The following NCALD variants were observed in gnomAD, a reference collection of about 807,000 sequenced individuals.
NCALD encodes neurocalcin delta, also known as neurocalcin-delta.
In NCALD, 10 loss-of-function variants were observed where a neutral mutation model predicts 18.6. That is an observed-to-expected ratio of 0.54 (90% CI 0.33 to 0.91). The LOEUF (loss-of-function observed/expected upper bound fraction) is 0.91, where lower values mean the gene tolerates loss of function less well. NCALD is among the 40% of genes least tolerant of loss of function. NCALD has a pLI of 0.03. For missense variants in NCALD, 184 were observed against 247.6 expected, an observed-to-expected ratio of 0.74 and a Z score of 1.72; for synonymous variants, 88 against 87.4, an observed-to-expected ratio of 1.01 and a Z score of -0.04.
At chr8:102,064,329 G>A (rs942012685) in intron 1 of NCALD, among the ~76,000 whole-genome samples, 1 of 152,154 alleles carries the variant, frequency 6.6e-6, no homozygotes, top group Non-Finnish European at 1.5e-5. Flanking sequence ...GGGCTCAGGG[G>A]AAGGGCCACT....
chr8:101,945,829 T>C (rs1195974308), intron 2 of NCALD, among the ~76,000 whole-genome samples: 3 of 152,212 alleles, frequency 2.0e-5, no homozygotes, highest in Non-Finnish European at 4.4e-5. Context: ...TTTTAGTGTT[T>C]GAAGAGTTGG....
intron 1 of NCALD, among the ~76,000 whole-genome samples, chr8:101,748,564 G>GT (rs1243862860): frequency 2.0e-5 from 3 of 152,138 alleles, no homozygotes; most frequent in African/African-American, 7.2e-5. Flanking sequence ...GGCCACTGTG[G>GT]TTTTTTGTGA....
intron 1 of NCALD, among the ~76,000 whole-genome samples, chr8:101,774,286 G>A (rs779135652): frequency 3.9e-5 from 6 of 152,192 alleles, no homozygotes; most frequent in Non-Finnish European, 8.8e-5. Flanking sequence ...TTGGCCAACT[G>A]TTTTCCTTGA....
chr8:102,065,261 T>TA (rs1823972485), intron 1 of NCALD, among the ~76,000 whole-genome samples: 1 of 151,834 alleles, frequency 6.6e-6, no homozygotes, highest in Non-Finnish European at 1.5e-5. Flanking sequence ...AGGCTCTTTT[T>TA]TTTTTCATAT....
At chr8:101,721,076 T>A (rs1816332007) in intron 1 of NCALD, 1 of 152,194 alleles carries the variant, frequency 6.6e-6, no homozygotes, top group Admixed American at 6.5e-5. Flanking sequence ...GATTAGTTCC[T>A]AATTCCCAAG....
chr8:101,711,260 GA>G (rs199904525), intron 2 of NCALD, among the ~76,000 whole-genome samples: 1,668 of 152,184 alleles, frequency 0.011, 32 homozygotes, highest in African/African-American at 0.037. Flanking sequence ...AACTCCAGCC[GA>G]AGGTCACCAA....
chr8:102,053,454 G>A (rs1823521137), intron 1 of NCALD, among the ~76,000 whole-genome samples: 5 of 152,066 alleles, frequency 3.3e-5, no homozygotes, highest in South Asian at 4.2e-4. Flanking sequence ...GCTTGACCAC[G>A]TACCATACAT....
intron 1 of NCALD, among the ~76,000 whole-genome samples, chr8:102,117,320 GC>G (rs1456525441): frequency 6.6e-6 from 1 of 152,180 alleles, no homozygotes; most frequent in Non-Finnish European, 1.5e-5. Context: ...TTCACAGTAG[GC>G]CTAGTTCTGG....
At chr8:101,746,566 C>T (rs371565207) in intron 1 of NCALD, among the ~76,000 whole-genome samples, 15 of 152,180 alleles carry the variant, frequency 9.9e-5, no homozygotes, top group East Asian at 7.7e-4. Context: ...GATTCAGATT[C>T]CTGTGTTGAG....
At chr8:101,874,071 A>G (rs577741319) in intron 4 of NCALD, among the ~76,000 whole-genome samples, 13 of 152,330 alleles carry the variant, frequency 8.5e-5, no homozygotes, top group African/African-American at 3.1e-4. Context: ...TTTTGCTGCT[A>G]GATGTATTTC....
At chr8:101,925,782 C>T (rs1818316056) in intron 2 of NCALD, among the ~76,000 whole-genome samples, 1 of 152,050 alleles carries the variant, frequency 6.6e-6, no homozygotes, top group South Asian at 2.1e-4. Context: ...CAGCATTTGA[C>T]TAAATGAATG....
In NCALD at chr8:101,698,480, C is replaced by T. The variant is rs897196430; in HGVS notation, c.379-5584G>A. Among the ~76,000 whole-genome samples the T allele has an allele frequency of 5.3e-5, 8 of 152,238 alleles. No homozygotes were observed. In the East Asian group the frequency reaches 7.7e-4, roughly 15 times the overall value. Reference sequence around the variant, plus strand: ...GAAGAGCCTGTATAGCCAAGACAATCGTAAGCAAAAAGAACAAAGCTGGAA... The same window carrying T: ...GAAGAGCCTGTATAGCCAAGACAATTGTAAGCAAAAAGAACAAAGCTGGAA... On this transcript the variant is annotated intron_variant, in intron 2 of 3. Coordinates refer to ENST00000220931, the MANE Select transcript of NCALD (RefSeq NM_032041.3).
In NCALD at chr8:101,722,863, C is replaced by T. The variant is rs547212181; in HGVS notation, c.-19-3215G>A. Among the ~76,000 whole-genome samples the T allele has an allele frequency of 8.7e-4, 132 of 152,264 alleles. 1 individual carries two copies. The Middle Eastern group carries it at 0.01, about 12-fold the overall frequency. ...AGCATGGAATAAGTTATTGGGAAAA[C>T]GAGTGTTCACAATTAAGCCTAGAAT... On this transcript the variant is annotated intron_variant, in intron 1 of 3. Transcript: ENST00000220931.
chr8:101,942,462 T>C (rs1289369107), intron 2 of NCALD, among the ~76,000 whole-genome samples: 1 of 152,202 alleles, frequency 6.6e-6, no homozygotes, highest in Non-Finnish European at 1.5e-5. Flanking sequence ...TGAAAAATAC[T>C]ATTAGAGGTA....
chr8:101,897,979 T>A lies in NCALD; in HGVS notation c.-106-10752A>T, dbSNP rs375614831. Among the ~76,000 whole-genome samples the A allele has an allele frequency of 2.0e-5, 3 of 152,310 alleles. No individual in the cohort carries two copies. In the East Asian group the frequency reaches 5.8e-4, roughly 29 times the overall value. On this transcript the variant is annotated intron_variant, in intron 3 of 6. Transcript: ENST00000311028. Reference sequence around the variant, plus strand: ...TGATAATGAGTGAGTTCTCACAAGATCTGATGGTTTTGTCAGGGGCTTCCC... The same window carrying A: ...TGATAATGAGTGAGTTCTCACAAGAACTGATGGTTTTGTCAGGGGCTTCCC...
chr8:101,865,908 G>T (rs897008362), intron 4 of NCALD, among the ~76,000 whole-genome samples: 1 of 152,156 alleles, frequency 6.6e-6, no homozygotes, highest in African/African-American at 2.4e-5. Flanking sequence ...GATGGGGATG[G>T]TTCTATAATA....
chr8:101,826,898 G>A (rs1267796581), intron 4 of NCALD, among the ~76,000 whole-genome samples: 3 of 151,850 alleles, frequency 2.0e-5, no homozygotes, highest in African/African-American at 7.3e-5. Context: ...AGACAATGTA[G>A]TAGGTCTTTC....
chr8:102,029,662 G>A (rs1468729279), intron 1 of NCALD, among the ~76,000 whole-genome samples: 1 of 152,068 alleles, frequency 6.6e-6, no homozygotes, highest in South Asian at 2.1e-4. Context: ...AAAAATGAGA[G>A]AGTTAAAATG....
chr8:101,976,777 C>A (rs1820438720), intron 2 of NCALD, among the ~76,000 whole-genome samples: 7 of 152,124 alleles, frequency 4.6e-5, no homozygotes, highest in Admixed American at 4.6e-4. Context: ...CAGTCTACCC[C>A]CCTGCCCTCA....
Sources: gnomAD v4.1 joint callset for allele counts (sites outside exome capture counted in the v4.1 genomes callset) on GRCh38, gnomAD v4.1.1 for gene constraint, MANE v1.5 for transcripts, NCBI Gene and HGNC (gene_info 2026-07-23, HGNC 2026-07-21) for gene names.